FANCC: variants seen among roughly 807,000 people sequenced by gnomAD.
The protein encoded by FANCC is Fanconi anemia group C protein.
Under a neutral mutation model 71.3 loss-of-function variants are expected in FANCC, and 55 were observed. That is an observed-to-expected ratio of 0.77 (90% confidence interval 0.62 to 0.97). FANCC has a LOEUF of 0.97. FANCC is among the 50% of genes least tolerant of loss of function. FANCC has a pLI of 0.00. For missense variants in FANCC, 678 were observed against 670.9 expected, an observed-to-expected ratio of 1.01 and a Z score of -0.12; for synonymous variants, 275 against 244.9, an observed-to-expected ratio of 1.12 and a Z score of -1.15.
chr9:95,248,817 T>C (rs955072778), intron 2 of FANCC, among the ~76,000 whole-genome samples: 5 of 152,142 alleles, frequency 3.3e-5, no homozygotes, highest in African/African-American at 1.2e-4. Context: ...TTCTCCAAGA[T>C]TCAAGGGACA....
At chr9:95,249,916 C>T (rs4647410) in intron 1 of FANCC, among the ~76,000 whole-genome samples, 1 of 152,126 alleles carries the variant, frequency 6.6e-6, no homozygotes, top group Non-Finnish European at 1.5e-5. Context: ...CCACATGTAA[C>T]AATTTAAGCA....
chr9:95,247,014 A>G (rs796977215), intron 3 of FANCC, among the ~76,000 whole-genome samples: 17 of 152,340 alleles, frequency 1.1e-4, no homozygotes, highest in African/African-American at 3.6e-4. Flanking sequence ...ACTTTACAAC[A>G]TGGGAAAGAG....
intron 1 of FANCC, among the ~76,000 whole-genome samples, chr9:95,298,988 T>C (rs1322902818): frequency 6.6e-6 from 1 of 152,238 alleles, no homozygotes; most frequent in Admixed American, 6.5e-5. Context: ...GCTTTAAAAA[T>C]ACTACGGTAT....
At chr9:95,140,472 A>G (rs1828468332) in intron 7 of FANCC, among the ~76,000 whole-genome samples, 2 of 144,942 alleles carry the variant, frequency 1.4e-5, no homozygotes, top group Admixed American at 1.3e-4. Context: ...TTTTATAGCT[A>G]CAAAAAAACA....
intron 1 of FANCC, among the ~76,000 whole-genome samples, chr9:95,315,444 G>A (rs1189897191): frequency 1.3e-5 from 2 of 152,158 alleles, no homozygotes; most frequent in Non-Finnish European, 2.9e-5. Context: ...CGCTGGACTC[G>A]AACTCCTGGG....
intron 12 of FANCC, among the ~76,000 whole-genome samples, chr9:95,112,452 G>A (rs923825672): frequency 1.3e-5 from 2 of 152,168 alleles, no homozygotes; most frequent in African/African-American, 4.8e-5. Context: ...GGACACTGCT[G>A]TCCTCCTGCC....
At chr9:95,236,168 C>T (rs1304465745) in intron 4 of FANCC, among the ~76,000 whole-genome samples, 1 of 151,770 alleles carries the variant, frequency 6.6e-6, no homozygotes, top group Non-Finnish European at 1.5e-5. Flanking sequence ...GTCTTTTTTT[C>T]TTTCTATCAG....
rs527954995 is a variant in FANCC at position 95,133,769 on chromosome 9, G to A, written c.843+1577C>T. Among the ~76,000 whole-genome samples the A allele has an allele frequency of 9.2e-5, 14 of 152,324 alleles. No homozygotes were observed. In the South Asian group the frequency reaches 2.5e-3, roughly 27 times the overall value. On this transcript the variant is annotated intron_variant, in intron 8 of 14. Transcript: ENST00000289081. ...TCATTTTGCCACTGAAAAGGGACCAGAGAAACTGAAATCCTAGTATGCACA... is the reference window on the plus strand; with the variant it reads ...TCATTTTGCCACTGAAAAGGGACCAAAGAAACTGAAATCCTAGTATGCACA...
At chr9:95,105,226 C>T (rs1404502246) in intron 14 of FANCC, among the ~76,000 whole-genome samples, 1 of 152,184 alleles carries the variant, frequency 6.6e-6, no homozygotes, top group East Asian at 1.9e-4. Context: ...GAGACAATCT[C>T]CTGGCCCTGG....
At chr9:95,146,414 G>C (rs1829550375) in intron 7 of FANCC, among the ~76,000 whole-genome samples, 1 of 125,032 alleles carries the variant, frequency 8.0e-6, no homozygotes, top group Non-Finnish European at 1.6e-5. Context: ...CCTGAGCCTG[G>C]GAGTTTGAGA....
chr9:95,125,297 A>G, intron 9 of FANCC, 112 bp from the exon 10 acceptor site: 1 of 808,044 alleles, frequency 1.2e-6, no homozygotes, highest in Non-Finnish European at 2.1e-6. Flanking sequence ...CATAAGCTTC[A>G]GCAGTATCTC....
chr9:95,192,296 C>T (rs1827163531), intron 4 of FANCC, among the ~76,000 whole-genome samples: 1 of 152,106 alleles, frequency 6.6e-6, no homozygotes, highest in Non-Finnish European at 1.5e-5. Context: ...TCACTTGTTC[C>T]CAGATTTGAG....
rs1783005931 is a variant in FANCC, at chr9:95,101,470, T to C, written c.*237A>G. The C allele has an allele frequency of 1.7e-6, 1 of 574,800 alleles. No homozygotes were observed. Among genetic ancestry groups the C allele is most frequent in the African/African-American group, 1.9e-5 (1 of 53,472 alleles). 35.6% of individuals were successfully genotyped at this position (574,800 alleles called of 1,614,324 possible). ...GGTCTGGCCGGGCGGGCACCAGGAGTACCGAAGGCTCACTTGAGTCATTAG... is the reference window on the plus strand; with the variant it reads ...GGTCTGGCCGGGCGGGCACCAGGAGCACCGAAGGCTCACTTGAGTCATTAG... On this transcript the variant is annotated 3_prime_UTR_variant, in exon 15 of 15. Coordinates refer to ENST00000289081, the MANE Select transcript of FANCC (RefSeq NM_000136.3).
In FANCC at chr9:95,107,278, TAGTA is replaced by T. The variant is rs2071521049; in HGVS notation, c.1330-13_1330-10del. 1 of 1,612,908 alleles carries T rather than the reference TAGTA, an allele frequency of 6.2e-7. No homozygotes were observed. The highest frequency in any genetic ancestry group is 8.5e-7 in the Non-Finnish European group (1 of 1,179,682). On this transcript the variant is annotated splice_polypyrimidine_tract_variant and intron_variant, in intron 13 of 14. Transcript: ENST00000289081. ...ACGGCCTTCACCTGGACCTGGGCAA[TAGTA>T]TTTCACAGGGGAGAGGTTAGGAAGA...
At chr9:95,183,877 C>T (rs1321383722) in intron 4 of FANCC, among the ~76,000 whole-genome samples, 1 of 152,162 alleles carries the variant, frequency 6.6e-6, no homozygotes, top group Non-Finnish European at 1.5e-5. Context: ...CATGTTTTTC[C>T]TGCAAAACTG....
intron 1 of FANCC, among the ~76,000 whole-genome samples, chr9:95,311,117 T>G (rs1564848567): frequency 2.0e-5 from 3 of 150,818 alleles, no homozygotes; most frequent in East Asian, 3.9e-4. Flanking sequence ...GGTGGTGGGC[T>G]CCTGTAGTCC....
intron 1 of FANCC, among the ~76,000 whole-genome samples, chr9:95,300,899 G>A (rs1361246521): frequency 6.6e-6 from 1 of 152,106 alleles, no homozygotes; most frequent in East Asian, 1.9e-4. Context: ...GCCAAGGGCT[G>A]CACAAAATAA....
At chr9:95,215,786 G>A (rs1019807221) in intron 4 of FANCC, among the ~76,000 whole-genome samples, 4 of 152,210 alleles carry the variant, frequency 2.6e-5, no homozygotes, top group South Asian at 2.1e-4. Context: ...ATCAACTAAC[G>A]TCAGGAAAAC....
chr9:95,222,562 C>T (rs570906050), intron 4 of FANCC, among the ~76,000 whole-genome samples: 10 of 152,124 alleles, frequency 6.6e-5, no homozygotes, highest in East Asian at 1.9e-4. Flanking sequence ...TTGATTGTGG[C>T]GGTGGTTATA....
Sources: gnomAD v4.1 joint callset for allele counts (sites outside exome capture counted in the v4.1 genomes callset) on GRCh38, gnomAD v4.1.1 for gene constraint, MANE v1.5 for transcripts, NCBI Gene and HGNC (gene_info 2026-07-23, HGNC 2026-07-21) for gene names.